NRXN3: variants seen among roughly 807,000 people sequenced by gnomAD.
NRXN3 encodes neurexin 3.
A neutral mutation model predicts 137.6 loss-of-function variants in NRXN3; 32 were observed. That is an observed-to-expected ratio of 0.23 (90% CI 0.18 to 0.31). The LOEUF (loss-of-function observed/expected upper bound fraction) is 0.31. Among genes scored for constraint, NRXN3 ranks in the 10% least tolerant of loss-of-function variants. The probability of loss-of-function intolerance (pLI) is 1.00; values close to 1 mark genes in which losing one functional copy is unlikely to be tolerated. For missense variants in NRXN3, 1,574 were observed against 2,062.5 expected (o/e 0.76, Z 4.59); for synonymous variants, 798 against 784.5 (o/e 1.02, Z -0.29).
intron 15 of NRXN3, among the ~76,000 whole-genome samples, chr14:79,232,230 C>G (rs1178762507): frequency 6.6e-6 from 1 of 151,990 alleles, no homozygotes; most frequent in Non-Finnish European, 1.5e-5. Context: ...ATCATTGCCC[C>G]TTGCCACGTC....
intron 4 of NRXN3, among the ~76,000 whole-genome samples, chr14:78,307,602 T>G (rs561443622): frequency 6.6e-6 from 1 of 152,230 alleles, no homozygotes; most frequent in African/African-American, 2.4e-5. Flanking sequence ...TAATTGATAT[T>G]ATTGAGTTTT....
chr14:78,544,574 G>A (rs1298992311), intron 4 of NRXN3, among the ~76,000 whole-genome samples: 2 of 152,164 alleles, frequency 1.3e-5, no homozygotes, highest in African/African-American at 2.4e-5. Flanking sequence ...AACTTACATG[G>A]TGGAATTCAT....
At chr14:78,871,028 G>A (rs760650116) in intron 10 of NRXN3, among the ~76,000 whole-genome samples, 46 of 149,808 alleles carry the variant, frequency 3.1e-4, no homozygotes, top group Admixed American at 7.4e-4. Context: ...AAACATGGGA[G>A]TGCAGATATC....
intron 15 of NRXN3, among the ~76,000 whole-genome samples, chr14:79,412,356 CTCTA>C (rs890529444): frequency 6.6e-6 from 1 of 152,082 alleles, no homozygotes; most frequent in Non-Finnish European, 1.5e-5. Flanking sequence ...GAATTTGAGG[CTCTA>C]TCTATGCTTA....
At chr14:79,242,004 T>C (rs1459924162) in intron 15 of NRXN3, among the ~76,000 whole-genome samples, 3 of 151,812 alleles carry the variant, frequency 2.0e-5, no homozygotes, top group Non-Finnish European at 4.4e-5. Flanking sequence ...GAGGCAGAGG[T>C]TGCAGTGAGC....
At chr14:79,522,838 T>TA (rs1470730166) in intron 16 of NRXN3, among the ~76,000 whole-genome samples, 1 of 152,200 alleles carries the variant, frequency 6.6e-6, no homozygotes, top group East Asian at 1.9e-4. Context: ...ACTATATATG[T>TA]AAAAAACTGC....
intron 10 of NRXN3, among the ~76,000 whole-genome samples, chr14:78,911,120 C>A (rs778055049): frequency 3.6e-4 from 55 of 152,106 alleles, no homozygotes; most frequent in Non-Finnish European, 5.4e-4. Flanking sequence ...ACATATGAAG[C>A]ACTTATAAAT....
intron 8 of NRXN3, 84 bp downstream of exon 8, chr14:78,715,223 G>A (rs918367244): frequency 1.4e-5 from 21 of 1,470,278 alleles, no homozygotes; most frequent in African/African-American, 1.3e-4. Flanking sequence ...CCAAGCCTTC[G>A]CACCTACCTG....
intron 15 of NRXN3, among the ~76,000 whole-genome samples, chr14:79,144,091 G>A (rs1403616366): frequency 2.6e-5 from 4 of 152,148 alleles, no homozygotes; most frequent in East Asian, 1.9e-4. Context: ...ACACTCATCC[G>A]TCCCGTTGAC....
intron 6 of NRXN3, among the ~76,000 whole-genome samples, chr14:78,653,070 C>T (rs1306408810): frequency 1.3e-5 from 2 of 152,142 alleles, no homozygotes; most frequent in Non-Finnish European, 2.9e-5. Context: ...AAAAGAGAGA[C>T]ATAATAAAGG....
chr14:79,672,527 T>G (rs1020492202), intron 17 of NRXN3, among the ~76,000 whole-genome samples: 2 of 152,020 alleles, frequency 1.3e-5, no homozygotes, highest in African/African-American at 4.8e-5. Flanking sequence ...AACATCTCCC[T>G]CTATGTGAGG....
At chr14:78,482,209 A>G (rs1218967647) in intron 4 of NRXN3, among the ~76,000 whole-genome samples, 1 of 152,162 alleles carries the variant, frequency 6.6e-6, no homozygotes, top group Non-Finnish European at 1.5e-5. Flanking sequence ...TTGTCAACTG[A>G]TATTGTTTCC....
intron 8 of NRXN3, among the ~76,000 whole-genome samples, chr14:78,786,116 G>C (rs1306156346): frequency 6.6e-6 from 1 of 152,140 alleles, no homozygotes; most frequent in Non-Finnish European, 1.5e-5. Context: ...TAAAATTAAA[G>C]CTCCACAAGG....
At chr14:78,849,320 A>G (rs2099036282) in intron 10 of NRXN3, among the ~76,000 whole-genome samples, 1 of 152,104 alleles carries the variant, frequency 6.6e-6, no homozygotes, top group East Asian at 1.9e-4. Flanking sequence ...GAGTGCAAGG[A>G]AAGTCTCAGT....
intron 6 of NRXN3, among the ~76,000 whole-genome samples, chr14:78,680,696 CAGTTTTTGT>C (rs1301871788): frequency 6.6e-6 from 1 of 152,086 alleles, no homozygotes; most frequent in African/African-American, 2.4e-5. Flanking sequence ...AACAACTCAA[CAGTTTTTGT>C]AGTTTTTGTC....
At chr14:78,760,875 A>C (rs377663214) in intron 8 of NRXN3, among the ~76,000 whole-genome samples, 3 of 152,094 alleles carry the variant, frequency 2.0e-5, no homozygotes, top group African/African-American at 7.2e-5. Context: ...TCATGAGGAG[A>C]TAGGAGGAAT....
chr14:78,819,342 T>TA (rs1337940929), intron 10 of NRXN3, among the ~76,000 whole-genome samples: 6 of 151,886 alleles, frequency 4.0e-5, no homozygotes, highest in Non-Finnish European at 8.8e-5. Context: ...AAAATAATTT[T>TA]AAAAAACAAT....
Position 78,715,023 on chromosome 14 carries a change from G to C in NRXN3, c.1928G>C (p.Ser643Thr). The C allele has an allele frequency of 6.2e-7, 1 of 1,614,078 alleles. No individual in the cohort carries two copies. The highest frequency in any genetic ancestry group is 8.5e-7 in the Non-Finnish European group (1 of 1,180,040). ...AGVKSSCSRM[S>T]AKQCDSYPCK... ...GTCAAGTCCTCCTGTTCACGGATGA[G>C]TGCCAAGCAGTGTGACAGCTACCCC... Residue 643 changes from serine (S) to threonine (T), a missense_variant, in exon 8 of 21, where the codon AGT (serine) becomes ACT (threonine). Ser to Thr is a moderately conservative substitution (Grantham distance 58). Coordinates refer to ENST00000335750, the MANE Select transcript of NRXN3 (RefSeq NM_001330195.2).
At chr14:79,732,742 T>C (rs1410241149) in intron 19 of NRXN3, among the ~76,000 whole-genome samples, 1 of 152,204 alleles carries the variant, frequency 6.6e-6, no homozygotes, top group East Asian at 1.9e-4. Context: ...TGTACAAATA[T>C]GGTTCTCTTG....
Sources: allele counts gnomAD v4.1 joint callset (sites outside exome capture counted in the v4.1 genomes callset), GRCh38; gene constraint gnomAD v4.1.1; transcripts MANE v1.5; gene names NCBI Gene and HGNC (gene_info 2026-07-23, HGNC 2026-07-21).